ASAP2: variants seen among roughly 807,000 people sequenced by gnomAD.
ASAP2 encodes arf-GAP with SH3 domain, ANK repeat and PH domain-containing protein 2.
Under a neutral mutation model 131.4 loss-of-function variants are expected in ASAP2, and 45 were observed. The ratio of observed to expected loss-of-function variants is 0.34; its 90% CI spans 0.27 to 0.44. ASAP2 has a LOEUF of 0.44. ASAP2 is among the 20% of genes least tolerant of loss of function. The pLI is 1.00. For synonymous variants in ASAP2, 510 were observed against 503.0 expected (o/e 1.01, Z -0.19); for missense variants, 1,011 against 1,297.0 (o/e 0.78, Z 3.39).
chr2:9,325,557 C>T (rs1426863339), intron 6 of ASAP2, among the ~76,000 whole-genome samples: 3 of 152,308 alleles, frequency 2.0e-5, no homozygotes, highest in East Asian at 3.9e-4. Flanking sequence ...ACTTAAAATG[C>T]GTACTGAATT....
intron 9 of ASAP2, among the ~76,000 whole-genome samples, chr2:9,339,072 G>A (rs1305223843): frequency 2.0e-5 from 3 of 152,164 alleles, no homozygotes. Context: ...CCAGCTACCC[G>A]GGAGGCTGAG....
At chr2:9,380,678 C>G (rs1379324328) in intron 19 of ASAP2, 63 bp from the exon 20 acceptor site, 15 of 1,485,148 alleles carry the variant, frequency 1.0e-5, no homozygotes, top group Non-Finnish European at 1.4e-5. Context: ...AAAAATTGTC[C>G]TGGATGTCAG....
chr2:9,360,533 A>T (rs933917197), intron 15 of ASAP2, among the ~76,000 whole-genome samples: 3 of 152,172 alleles, frequency 2.0e-5, no homozygotes, highest in African/African-American at 7.2e-5. Flanking sequence ...ACCGTCCCCA[A>T]CAAATGTTTA....
Position 9,389,385 on chromosome 2 carries a change from G to A in ASAP2, c.2383+839G>A, listed in dbSNP as rs545343642. ...GAGCATGTATCCAGGCATTGTGGCC[G>A]CTGTGAGCCGCTGATGGAGTGGAGC... On this transcript the variant is annotated intron_variant, in intron 22 of 27. Coordinates refer to ENST00000281419, the MANE Select transcript of ASAP2 (RefSeq NM_003887.3). The surrounding 1 kb of genome is among the most constrained non-coding windows in gnomAD (Gnocchi z 4.7). Among the ~76,000 whole-genome samples, 3 of 152,216 alleles carry A rather than the reference G, an allele frequency of 2.0e-5. No homozygotes were observed. The highest frequency in any genetic ancestry group is 2.9e-5 in the Non-Finnish European group (2 of 68,030).
At chr2:9,295,283 T>C (rs1055566017) in intron 2 of ASAP2, among the ~76,000 whole-genome samples, 1 of 152,246 alleles carries the variant, frequency 6.6e-6, no homozygotes, top group African/African-American at 2.4e-5. Flanking sequence ...CTGTGTTTCC[T>C]TGGATGAATT....
At chr2:9,369,055 G>T (rs1673719669) in intron 16 of ASAP2, among the ~76,000 whole-genome samples, 1 of 148,368 alleles carries the variant, frequency 6.7e-6, no homozygotes, top group Non-Finnish European at 1.5e-5. Flanking sequence ...TTTCACTCTT[G>T]TTACCCAGGC....
In ASAP2 at chr2:9,377,337, C is replaced by T. The variant is rs148228861; in HGVS notation, c.1832+344C>T. Among the ~76,000 whole-genome samples, 614 of 152,296 alleles carry T rather than the reference C, an allele frequency of 4.0e-3. 4 individuals carry two copies. Among genetic ancestry groups the T allele is most frequent in the African/African-American group, 0.014 (573 of 41,556 alleles). ...TCCTGTGAGCCAGGTCATCGTACTG[C>T]GCAAGCAGTGTCCTGAGCAGTAGGG... On this transcript the variant is annotated intron_variant, in intron 18 of 27. Coordinates refer to ENST00000281419, the MANE Select transcript of ASAP2 (RefSeq NM_003887.3).
chr2:9,307,826 G>T (rs1343175430), intron 3 of ASAP2, among the ~76,000 whole-genome samples: 1 of 152,200 alleles, frequency 6.6e-6, no homozygotes, highest in Admixed American at 6.5e-5. Flanking sequence ...ATCAGCATGG[G>T]CTCCCCCTTC....
At position 9,207,639 on chromosome 2, in the gene ASAP2, G is replaced by C. The variant is rs1293034009; in HGVS notation, c.126+409G>C. On this transcript the variant is annotated intron_variant, in intron 1 of 27. Coordinates refer to ENST00000281419, the MANE Select transcript of ASAP2 (RefSeq NM_003887.3). This position sits in a 1 kb window ranked among gnomAD's most constrained non-coding sequence, Gnocchi z 4.1. ...GAAGTGGACCGGCGGGGGCAGCTCC[G>C]CGCTCCGAGCTCCCCGCCGCAGCCC... is the stretch of plus-strand genomic sequence containing the variant. 6.6e-6 allele frequency among the ~76,000 whole-genome samples: 1 copy of C among 151,856 alleles called. No homozygotes were observed. The highest frequency in any genetic ancestry group is 2.4e-5 in the African/African-American group (1 of 41,398).
chr2:9,241,862 A>G (rs1325245979), intron 1 of ASAP2, among the ~76,000 whole-genome samples: 4 of 152,196 alleles, frequency 2.6e-5, no homozygotes, highest in African/African-American at 9.6e-5. Context: ...AAGAGAACTC[A>G]GGACCTGGCA....
At chr2:9,359,427 G>A (rs936164061) in intron 15 of ASAP2, among the ~76,000 whole-genome samples, 5 of 152,226 alleles carry the variant, frequency 3.3e-5, no homozygotes, top group African/African-American at 1.2e-4. Context: ...AGAGATAGGA[G>A]GAGACAGAAG....
chr2:9,346,009 A>G (rs549923795), intron 11 of ASAP2, among the ~76,000 whole-genome samples: 3 of 152,134 alleles, frequency 2.0e-5, no homozygotes, highest in African/African-American at 4.8e-5. Flanking sequence ...AGGGGTTTGA[A>G]TGTGTCTCTG....
chr2:9,356,417 C>T, intron 14 of ASAP2, 72 bp downstream of exon 14: 1 of 1,442,778 alleles, frequency 6.9e-7, no homozygotes. Flanking sequence ...AGAATCCGTT[C>T]ATTGATTTTC....
At chr2:9,371,300 A>T (rs1673936883) in intron 16 of ASAP2, among the ~76,000 whole-genome samples, 1 of 152,150 alleles carries the variant, frequency 6.6e-6, no homozygotes, top group Non-Finnish European at 1.5e-5. Context: ...ATTTGGCTCT[A>T]TTTTAAAACA....
intron 16 of ASAP2, 137 bp downstream of exon 16, chr2:9,368,656 T>C (rs1673674574): frequency 1.4e-6 from 1 of 707,314 alleles, no homozygotes. Flanking sequence ...ATGTTGGGTT[T>C]TCTTAGTCAC....
chr2:9,218,407 A>G (rs1662202763), intron 1 of ASAP2, among the ~76,000 whole-genome samples: 3 of 152,200 alleles, frequency 2.0e-5, no homozygotes, highest in African/African-American at 7.2e-5. Context: ...TCACTGTGTG[A>G]CAAGGACTAG....
intron 6 of ASAP2, among the ~76,000 whole-genome samples, chr2:9,325,870 G>A (rs1166810010): frequency 6.6e-6 from 1 of 152,214 alleles, no homozygotes; most frequent in East Asian, 1.9e-4. Context: ...TCACAGTTGA[G>A]TGAGAGCTGT....
At chr2:9,364,337 A>T (rs1447168742) in intron 15 of ASAP2, among the ~76,000 whole-genome samples, 1 of 151,658 alleles carries the variant, frequency 6.6e-6, no homozygotes, top group Admixed American at 6.6e-5. Flanking sequence ...GCAAAACCCC[A>T]TCTCTACAAA....
At chr2:9,296,883 G>C (rs923126817) in intron 2 of ASAP2, among the ~76,000 whole-genome samples, 1 of 152,232 alleles carries the variant, frequency 6.6e-6, no homozygotes, top group Non-Finnish European at 1.5e-5. Flanking sequence ...AGGAGCTGCT[G>C]TGTGGGGCTC....
Sources: gnomAD v4.1 joint callset for allele counts (sites outside exome capture counted in the v4.1 genomes callset) on GRCh38, gnomAD v4.1.1 for gene constraint, Gnocchi (gnomAD v3.1) non-coding constraint, MANE v1.5 for transcripts, NCBI Gene and HGNC (gene_info 2026-07-23, HGNC 2026-07-21) for gene names.